The following GXYLT2 variants were observed in gnomAD, a reference collection of about 807,000 sequenced individuals.
GXYLT2 encodes glucoside xylosyltransferase 2.
A neutral mutation model predicts 45.8 loss-of-function variants in GXYLT2; 53 were observed. The observed-to-expected ratio is 1.16, with a 90% CI of 0.93 to 1.46. The LOEUF is 1.46. GXYLT2 is among the 40% of genes most tolerant of loss of function. The pLI is 0.00. For missense variants in GXYLT2, 551 were observed against 544.4 expected, an observed-to-expected ratio of 1.01 and a Z score of -0.12; for synonymous variants, 219 against 214.2, an observed-to-expected ratio of 1.02 and a Z score of -0.19.
At chr3:72,888,942 C>T (rs1709123188) in intron 1 of GXYLT2, among the ~76,000 whole-genome samples, 1 of 152,122 alleles carries the variant, frequency 6.6e-6, no homozygotes, top group South Asian at 2.1e-4. Flanking sequence ...CTGGCAGCCT[C>T]TCATTTAACC....
chr3:72,944,577 T>C (rs1229503998), intron 3 of GXYLT2, among the ~76,000 whole-genome samples: 2 of 152,064 alleles, frequency 1.3e-5, no homozygotes, highest in Non-Finnish European at 2.9e-5. Flanking sequence ...GTAGGTGATA[T>C]CTTCTCTTGG....
At chr3:72,933,354 G>C (rs1710080513) in intron 3 of GXYLT2, among the ~76,000 whole-genome samples, 1 of 152,178 alleles carries the variant, frequency 6.6e-6, no homozygotes, top group Admixed American at 6.5e-5. Context: ...CATAGTATTA[G>C]ATGCTAATAG....
intron 1 of GXYLT2, among the ~76,000 whole-genome samples, chr3:72,901,664 A>T (rs62249898): frequency 2.1e-5 from 3 of 146,062 alleles, no homozygotes; most frequent in Non-Finnish European, 4.5e-5. Context: ...GGGTTCAAGC[A>T]ATTCTCCTGC....
At chr3:72,938,934 G>T (rs1710242630) in intron 3 of GXYLT2, among the ~76,000 whole-genome samples, 1 of 152,184 alleles carries the variant, frequency 6.6e-6, no homozygotes, top group South Asian at 2.1e-4. Context: ...AAACTGATCA[G>T]AAGAGGCTAC....
chr3:72,952,055 T>G (rs952648667), intron 3 of GXYLT2, among the ~76,000 whole-genome samples: 1 of 149,612 alleles, frequency 6.7e-6, no homozygotes, highest in African/African-American at 2.5e-5. Context: ...CAGGCTGGAG[T>G]GCAGTGTCAT....
chr3:72,935,098 C>G (rs577584353), intron 3 of GXYLT2, among the ~76,000 whole-genome samples: 1 of 152,164 alleles, frequency 6.6e-6, no homozygotes, highest in South Asian at 2.1e-4. Context: ...TATCAACCTA[C>G]AGAAAATCAT....
At chr3:72,888,569 G>A in intron 1 of GXYLT2, 61 bp downstream of exon 1, 1 of 1,070,364 alleles carries the variant, frequency 9.3e-7, no homozygotes. Context: ...CTACACCCGT[G>A]CCAAGTCCAA....
At chr3:72,941,960 A>G (rs1285648100) in intron 3 of GXYLT2, among the ~76,000 whole-genome samples, 2 of 152,286 alleles carry the variant, frequency 1.3e-5, no homozygotes, top group African/African-American at 2.4e-5. Context: ...CCATCCTCCA[A>G]AGGAACCCAG....
intron 1 of GXYLT2, among the ~76,000 whole-genome samples, chr3:72,891,970 A>G (rs960152708): frequency 6.6e-5 from 10 of 152,174 alleles, no homozygotes; most frequent in African/African-American, 2.4e-4. Flanking sequence ...TAGACATTAG[A>G]AGACTCTAGC....
At chr3:72,909,927 A>G (rs569931751) in intron 2 of GXYLT2, among the ~76,000 whole-genome samples, 2 of 152,296 alleles carry the variant, frequency 1.3e-5, no homozygotes, top group East Asian at 3.9e-4. Context: ...GGCTAATAAT[A>G]GAAAGATGGA....
chr3:72,910,102 A>G (rs1472835265), intron 2 of GXYLT2, among the ~76,000 whole-genome samples: 1 of 152,214 alleles, frequency 6.6e-6, no homozygotes, highest in Non-Finnish European at 1.5e-5. Context: ...CTATATAGTT[A>G]GCTCAGAGGG....
At chr3:72,952,534 T>A (rs143697037) in intron 3 of GXYLT2, among the ~76,000 whole-genome samples, 21 of 152,226 alleles carry the variant, frequency 1.4e-4, no homozygotes, top group African/African-American at 4.8e-4. Context: ...CATGTTATAC[T>A]AGTCTGCTTG....
intron 2 of GXYLT2, among the ~76,000 whole-genome samples, chr3:72,918,833 GA>G (rs199936585): frequency 0.023 from 3,349 of 147,880 alleles, 118 homozygotes; most frequent in African/African-American, 0.078. Context: ...GTCTCAAAAA[GA>G]AAAAAAAAAT....
At chr3:72,940,108 T>A (rs964356070) in intron 3 of GXYLT2, among the ~76,000 whole-genome samples, 3 of 152,080 alleles carry the variant, frequency 2.0e-5, no homozygotes, top group African/African-American at 7.2e-5. Context: ...CAATGAGCCA[T>A]GATTGTGTCA....
chr3:72,903,831 G>C (rs59023653), intron 1 of GXYLT2, among the ~76,000 whole-genome samples: 4,401 of 152,266 alleles, frequency 0.029, 186 homozygotes, highest in African/African-American at 0.1. Flanking sequence ...TAGGACCTTC[G>C]TTACGACTCT....
Position 72,941,430 on chromosome 3 carries a change from T to C in GXYLT2, c.601-13668T>C, listed in dbSNP as rs569711415. The stretch of plus-strand genomic sequence containing the variant: ...TAACTTTCAGCATTATTCCAAGTCA[T>C]GAATTTCCCATTCCAGCCACTCTAG... On this transcript the variant is annotated intron_variant, in intron 3 of 6. Coordinates refer to ENST00000389617, the MANE Select transcript of GXYLT2 (RefSeq NM_001080393.2). Among the ~76,000 whole-genome samples the C allele has an allele frequency of 1.1e-4, 17 of 152,302 alleles. No individual in the cohort carries two copies. In the South Asian group the frequency reaches 3.3e-3, roughly 30 times the overall value.
At chr3:72,961,432 C>T (rs545839203) in intron 5 of GXYLT2, among the ~76,000 whole-genome samples, 2 of 152,120 alleles carry the variant, frequency 1.3e-5, no homozygotes, top group East Asian at 1.9e-4. Context: ...TGAGAACTGG[C>T]CTTGGGAAGT....
intron 1 of GXYLT2, among the ~76,000 whole-genome samples, chr3:72,899,373 T>C (rs979834745): frequency 2.0e-5 from 3 of 151,920 alleles, no homozygotes; most frequent in African/African-American, 7.3e-5. Flanking sequence ...CTTCATGGAG[T>C]TTTTTGGCAC....
At chr3:72,956,542 T>C (rs1365301595) in intron 4 of GXYLT2, among the ~76,000 whole-genome samples, 3 of 152,150 alleles carry the variant, frequency 2.0e-5, no homozygotes, top group Non-Finnish European at 4.4e-5. Flanking sequence ...CTAAGAAAGA[T>C]GTTCACCTAA....
Sources: allele counts gnomAD v4.1 joint callset (sites outside exome capture counted in the v4.1 genomes callset), GRCh38; gene constraint gnomAD v4.1.1; transcripts MANE v1.5; gene names NCBI Gene and HGNC (gene_info 2026-07-23, HGNC 2026-07-21).